Variants in LNX1 observed in about 807,000 individuals in gnomAD.
LNX1 encodes the protein ligand of numb-protein X 1.
LNX1 carries 54 observed loss-of-function variants against 68.4 expected under a neutral mutation model. The ratio of observed to expected loss-of-function variants is 0.79; its 90% CI spans 0.63 to 0.99. The LOEUF (loss-of-function observed/expected upper bound fraction) is 0.99. Among genes scored for constraint, LNX1 ranks in the 50% least tolerant of loss-of-function variants. LNX1 has a pLI of 0.00. For missense variants in LNX1, 906 were observed against 926.4 expected, an observed-to-expected ratio of 0.98 and a Z score of 0.29; for synonymous variants, 336 against 350.0, an observed-to-expected ratio of 0.96 and a Z score of 0.45.
chr4:53,606,134 C>A (rs1274374070), intron 2 of LNX1, among the ~76,000 whole-genome samples: 3 of 151,898 alleles, frequency 2.0e-5, no homozygotes, highest in Non-Finnish European at 4.4e-5. Flanking sequence ...AAACCATACA[C>A]AAACCCAACA....
Position 53,508,114 on chromosome 4 carries a change from G to A in LNX1, c.494C>T (p.Ser165Phe), listed in dbSNP as rs1159534106. Residue 165 changes from serine to phenylalanine, a missense_variant, in exon 3 of 11, where the codon TCT (serine) becomes TTT (phenylalanine). Transcript: ENST00000263925. ...LTATAPSPEV[S>F]AAATISLMTD... ...CATTAAGGAGATGGTGGCAGCTGCAGAAACCTCTGGGGAGGGAGCCGTGGC... is the reference window on the plus strand; with the variant it reads ...CATTAAGGAGATGGTGGCAGCTGCAAAAACCTCTGGGGAGGGAGCCGTGGC... The A allele has an allele frequency of 3.1e-6, 5 of 1,614,156 alleles. No individual in the cohort carries two copies. The highest frequency in any genetic ancestry group is 4.2e-6 in the Non-Finnish European group (5 of 1,180,020).
At chr4:53,472,242 A>T (rs910993655) in intron 9 of LNX1, among the ~76,000 whole-genome samples, 2 of 152,194 alleles carry the variant, frequency 1.3e-5, no homozygotes, top group Admixed American at 6.5e-5. Context: ...CAAGGACAAA[A>T]AACCAAATAC....
At chr4:53,543,341 G>A (rs1479696533) in intron 2 of LNX1, among the ~76,000 whole-genome samples, 1 of 152,104 alleles carries the variant, frequency 6.6e-6, no homozygotes, top group African/African-American at 2.4e-5. Flanking sequence ...CTTATTTACT[G>A]CCCTCTCACT....
chr4:53,636,944 TC>T (rs1734502394), intron 1 of LNX1, among the ~76,000 whole-genome samples: 2 of 140,528 alleles, frequency 1.4e-5, no homozygotes, highest in Admixed American at 1.4e-4. Context: ...GCAGGTTCCC[TC>T]CCTCCCTCCC....
At chr4:53,508,339 A>C (rs1451818735) in intron 2 of LNX1, 112 bp from the exon 3 acceptor site, 1 of 1,362,498 alleles carries the variant, frequency 7.3e-7, no homozygotes, top group Non-Finnish European at 1.0e-6. Flanking sequence ...TTGAACTTGG[A>C]ATTTGATTTG....
At position 53,459,472 on chromosome 4, in the gene LNX1, A is replaced by C. The variant is rs772409391; in HGVS notation, c.*1435T>G. 6.2e-7 allele frequency: 1 copy of C among 1,613,190 alleles called. No individual in the cohort carries two copies. Among genetic ancestry groups the C allele is most frequent in the East Asian group, 2.2e-5 (1 of 44,868 alleles). On this transcript the variant is annotated 3_prime_UTR_variant, in exon 11 of 11. Coordinates refer to ENST00000263925, the MANE Select transcript of LNX1 (RefSeq NM_001126328.3). ...TAGGCATGGTTTTGGCCTTTTGTGT[A>C]TATTAGTACCAGAAGTAGATACTAT...
intron 4 of LNX1, chr4:53,500,304 C>G (rs771611506): frequency 6.6e-6 from 1 of 151,740 alleles, no homozygotes; most frequent in Non-Finnish European, 1.5e-5. Context: ...AGAGGGGACA[C>G]CAACAAGTGA....
intron 6 of LNX1, among the ~76,000 whole-genome samples, chr4:53,492,543 G>GAGAGAGAGAGAGAGAGAGAGGGAT (rs1553931992): frequency 6.6e-6 from 1 of 151,096 alleles, no homozygotes; most frequent in Non-Finnish European, 1.5e-5. Context: ...GAGAGAGAGA[G>GAGAGAGAGAGAGAGAGAGAGGGAT]TGGCATCCTG....
intron 1 of LNX1, among the ~76,000 whole-genome samples, chr4:53,581,974 T>A (rs915687550): frequency 7.9e-5 from 12 of 152,232 alleles, no homozygotes; most frequent in African/African-American, 2.4e-4. Context: ...TGCATTTTTT[T>A]AAATATTGCA....
chr4:53,620,863 C>T (rs1307031344), upstream of LNX1, among the ~76,000 whole-genome samples: 1 of 152,138 alleles, frequency 6.6e-6, no homozygotes, highest in Admixed American at 6.5e-5. Flanking sequence ...ATGTGTTCGC[C>T]ACTCAGGGAA....
intron 6 of LNX1, among the ~76,000 whole-genome samples, chr4:53,486,786 C>T (rs1321577058): frequency 6.6e-6 from 1 of 152,186 alleles, no homozygotes; most frequent in Admixed American, 6.5e-5. Context: ...TGAGATTTGA[C>T]TCAAAATTGC....
chr4:53,527,014 G>T (rs1008575647), intron 2 of LNX1, among the ~76,000 whole-genome samples: 3 of 140,572 alleles, frequency 2.1e-5, no homozygotes, highest in African/African-American at 8.0e-5. Context: ...CTAAATATAT[G>T]CTGGATCTAA....
At chr4:53,594,428 A>G (rs1351844741), upstream of LNX1, among the ~76,000 whole-genome samples, 7 of 152,106 alleles carry the variant, frequency 4.6e-5, no homozygotes, top group Non-Finnish European at 8.8e-5. Flanking sequence ...AGAACATGGA[A>G]CTGCATACAT....
chr4:53,648,890 C>T (rs1165244844), intron 1 of LNX1, among the ~76,000 whole-genome samples: 1 of 152,148 alleles, frequency 6.6e-6, no homozygotes, highest in Non-Finnish European at 1.5e-5. Context: ...TCATGACAAT[C>T]ACTATTGCCC....
chr4:53,612,128 A>G (rs1733520601), intron 2 of LNX1, among the ~76,000 whole-genome samples: 1 of 152,236 alleles, frequency 6.6e-6, no homozygotes, highest in Admixed American at 6.5e-5. Flanking sequence ...AAACTCGGAA[A>G]TATCCTCAAA....
At chr4:53,619,906 C>T (rs528523258), upstream of LNX1, among the ~76,000 whole-genome samples, 232 of 152,174 alleles carry the variant, frequency 1.5e-3, 1 homozygote, top group Non-Finnish European at 2.4e-3. Context: ...TATAACCATC[C>T]CAGTGGGTGT....
chr4:53,563,691 C>A (rs201020607), intron 2 of LNX1, among the ~76,000 whole-genome samples: 37 of 152,258 alleles, frequency 2.4e-4, no homozygotes, highest in African/African-American at 8.2e-4. Context: ...TCTGTCACCA[C>A]GCCTGGTTAA....
At chr4:53,603,985 T>C (rs1733126454) in intron 2 of LNX1, 1 of 152,220 alleles carries the variant, frequency 6.6e-6, no homozygotes, top group African/African-American at 2.4e-5. Flanking sequence ...CACCTACTGT[T>C]ACATGGGCTA....
At chr4:53,602,155 A>C (rs921774452) in intron 2 of LNX1, among the ~76,000 whole-genome samples, 1 of 152,220 alleles carries the variant, frequency 6.6e-6, no homozygotes, top group African/African-American at 2.4e-5. Flanking sequence ...AAGGTAGTGA[A>C]AATGAAGTTA....
Sources: gnomAD v4.1 joint callset for allele counts (sites outside exome capture counted in the v4.1 genomes callset) on GRCh38, gnomAD v4.1.1 for gene constraint, MANE v1.5 for transcripts, NCBI Gene and HGNC (gene_info 2026-07-23, HGNC 2026-07-21) for gene names.